Variants in NFIB observed in about 807,000 individuals in gnomAD.
NFIB encodes nuclear factor 1 B-type.
A neutral mutation model predicts 61.5 loss-of-function variants in NFIB; 11 were observed. That is an observed-to-expected ratio of 0.18 (90% CI 0.11 to 0.30). NFIB has a LOEUF of 0.30. Ranked by LOEUF, NFIB falls within the 10% of genes least tolerant of loss-of-function variation. The pLI, the probability that NFIB is intolerant of heterozygous loss-of-function variation, is 1.00. For synonymous variants in NFIB, 260 were observed against 216.5 expected (o/e 1.20, Z -1.76); for missense variants, 471 against 608.9 (o/e 0.77, Z 2.38).
chr9:14,111,293 A>G (rs910268540), intron 10 of NFIB, among the ~76,000 whole-genome samples: 2 of 152,160 alleles, frequency 1.3e-5, no homozygotes, highest in Non-Finnish European at 2.9e-5. Context: ...TAATTACATG[A>G]GGCTTCGACA....
the NFIB span, among the ~76,000 whole-genome samples, chr9:14,443,830 A>C: frequency 1.3e-5 from 2 of 152,212 alleles, no homozygotes; most frequent in Non-Finnish European, 2.9e-5. Context: ...ACATATTCTC[A>C]CTGCTGAGCA....
chr9:14,329,155 G>C (rs1386230264), intron 1 of NFIB, among the ~76,000 whole-genome samples: 1 of 152,150 alleles, frequency 6.6e-6, no homozygotes, highest in East Asian at 1.9e-4. Context: ...TAGATCAAAT[G>C]CTCTTCTTAT....
At chr9:14,246,997 A>C (rs1047501071) in intron 2 of NFIB, among the ~76,000 whole-genome samples, 2 of 148,516 alleles carry the variant, frequency 1.3e-5, no homozygotes, top group African/African-American at 4.9e-5. Context: ...TTCTTTCACT[A>C]TATCTCTCTC....
At chr9:14,460,300 T>C in the NFIB span, among the ~76,000 whole-genome samples, 5 of 148,588 alleles carry the variant, frequency 3.4e-5, no homozygotes, top group Non-Finnish European at 7.4e-5. Context: ...TTCTCACTCA[T>C]AGGTGGGAAT....
At chr9:14,296,027 A>T (rs2059423013) in intron 2 of NFIB, among the ~76,000 whole-genome samples, 1 of 152,226 alleles carries the variant, frequency 6.6e-6, no homozygotes, top group Non-Finnish European at 1.5e-5. Context: ...TGCCTACACA[A>T]AGAGTTTTCA....
intron 2 of NFIB, among the ~76,000 whole-genome samples, chr9:14,221,828 C>T (rs565781747): frequency 6.6e-6 from 1 of 152,314 alleles, no homozygotes; most frequent in South Asian, 2.1e-4. Context: ...CATCTCTTCT[C>T]AAACTAAACT....
chr9:14,426,777 A>T, the NFIB span, among the ~76,000 whole-genome samples: 1 of 152,146 alleles, frequency 6.6e-6, no homozygotes, highest in African/African-American at 2.4e-5. Flanking sequence ...GGCCCCTCCC[A>T]TATCACATCG....
At chr9:14,194,476 A>G (rs1041625835) in intron 2 of NFIB, among the ~76,000 whole-genome samples, 7 of 152,162 alleles carry the variant, frequency 4.6e-5, no homozygotes, top group Non-Finnish European at 8.8e-5. Flanking sequence ...CCAGATAGGA[A>G]AACGAATCCA....
At chr9:14,231,128 A>AT (rs2053097635) in intron 2 of NFIB, among the ~76,000 whole-genome samples, 1 of 96,444 alleles carries the variant, frequency 1.0e-5, no homozygotes, top group African/African-American at 4.4e-5. Context: ...GGGAAAAAAA[A>AT]AAAAAAAATA....
At chr9:14,165,498 T>C (rs1201628077) in intron 3 of NFIB, among the ~76,000 whole-genome samples, 4 of 152,194 alleles carry the variant, frequency 2.6e-5, no homozygotes, top group Non-Finnish European at 5.9e-5. Flanking sequence ...TGAGAAAAGC[T>C]ATCATTACGA....
chr9:14,161,089 T>G (rs188224339), intron 3 of NFIB, among the ~76,000 whole-genome samples: 8 of 152,272 alleles, frequency 5.3e-5, no homozygotes. Context: ...TACTTTATAC[T>G]AGCTCTTTGC....
intron 1 of NFIB, among the ~76,000 whole-genome samples, chr9:14,331,130 G>A (rs2060816485): frequency 6.6e-6 from 1 of 152,172 alleles, no homozygotes; most frequent in South Asian, 2.1e-4. Flanking sequence ...CAAGACAAGT[G>A]ATAATAATTA....
intron 1 of NFIB, among the ~76,000 whole-genome samples, chr9:14,340,929 G>A (rs2060942093): frequency 6.6e-6 from 1 of 152,020 alleles, no homozygotes; most frequent in African/African-American, 2.4e-5. Flanking sequence ...TTGGGTGGGA[G>A]CGGGTGGGCG....
intron 6 of NFIB, among the ~76,000 whole-genome samples, chr9:14,136,912 G>A (rs1196029734): frequency 6.6e-6 from 1 of 152,056 alleles, no homozygotes; most frequent in Non-Finnish European, 1.5e-5. Context: ...TAGTGTTTAA[G>A]TTCAACCTAA....
At chr9:14,366,241 C>T (rs571487190) in intron 1 of NFIB, among the ~76,000 whole-genome samples, 1 of 152,298 alleles carries the variant, frequency 6.6e-6, no homozygotes, top group East Asian at 1.9e-4. Flanking sequence ...AGAAGACACA[C>T]CACCACAGCC....
the NFIB span, among the ~76,000 whole-genome samples, chr9:14,519,819 TGGGCA>T: frequency 6.6e-6 from 1 of 152,226 alleles, no homozygotes; most frequent in Non-Finnish European, 1.5e-5. Context: ...TTTACCTAGC[TGGGCA>T]ATGGCATATT....
At chr9:14,315,172 C>G (rs1441077504), upstream of NFIB, among the ~76,000 whole-genome samples, 7 of 151,764 alleles carry the variant, frequency 4.6e-5, no homozygotes, top group Non-Finnish European at 8.8e-5. Flanking sequence ...GCCCAGCCCC[C>G]GACGGCCCCG....
At chr9:14,431,901 A>C in the NFIB span, among the ~76,000 whole-genome samples, 5 of 152,134 alleles carry the variant, frequency 3.3e-5, no homozygotes, top group Non-Finnish European at 7.4e-5. Flanking sequence ...CTTTTCTTTT[A>C]AACAAGGCAG....
intron 10 of NFIB, among the ~76,000 whole-genome samples, chr9:14,089,841 C>T (rs1158435817): frequency 6.6e-6 from 1 of 152,116 alleles, no homozygotes; most frequent in Non-Finnish European, 1.5e-5. Flanking sequence ...TTGATACATA[C>T]TGTTTTTACT....
Sources: allele counts gnomAD v4.1 joint callset (sites outside exome capture counted in the v4.1 genomes callset), GRCh38; gene constraint gnomAD v4.1.1; transcripts MANE v1.5; gene names NCBI Gene and HGNC (gene_info 2026-07-23, HGNC 2026-07-21).